Variants in APOBEC3B observed in about 807,000 individuals in gnomAD.
APOBEC3B encodes the protein DNA dC->dU-editing enzyme APOBEC-3B.
Under a neutral mutation model 53.4 loss-of-function variants are expected in APOBEC3B, and 29 were observed. That is an observed-to-expected ratio of 0.54 (90% CI 0.40 to 0.74). APOBEC3B has a LOEUF of 0.74. Ranked by LOEUF, APOBEC3B falls within the 30% of genes least tolerant of loss-of-function variation. The pLI is 0.00. For synonymous variants in APOBEC3B, 132 were observed against 184.8 expected (o/e 0.71, Z 2.32); for missense variants, 347 against 496.2 (o/e 0.70, Z 2.86).
At position 38,992,062 on chromosome 22, in the gene APOBEC3B, G is replaced by A; in HGVS notation, c.1047G>A (p.Val349=). ...DEFEYCWDTF[V]YRQGCPFQPW... Reference sequence around the variant, plus strand: ...TTGAGTACTGCTGGGACACCTTTGTGTACCGCCAGGGATGTCCCTTCCAGC... The same window carrying A: ...TTGAGTACTGCTGGGACACCTTTGTATACCGCCAGGGATGTCCCTTCCAGC... The change falls in exon 7 of 8, where the codon GTG becomes GTA. Residue 349 remains valine, a synonymous_variant. Transcript: ENST00000333467. 1 of 1,589,914 alleles carries A rather than the reference G, an allele frequency of 6.3e-7. No homozygotes were observed. The highest frequency in any genetic ancestry group is 1.8e-5 in the Admixed American group (1 of 55,908).
In APOBEC3B at chr22:38,984,363, G is replaced by C. The variant is rs1017820002; in HGVS notation, c.174+132G>C. The C allele has an allele frequency of 1.4e-5, 17 of 1,190,622 alleles. 1 individual carries two copies. Among genetic ancestry groups the C allele is most frequent in the Non-Finnish European group, 1.7e-5 (15 of 881,604 alleles). 73.8% of individuals were successfully genotyped at this position (1,190,622 alleles called of 1,614,324 possible). A position where few individuals can be genotyped will look rare whatever the true frequency, so the allele number is the denominator to read the frequency against. On this transcript the variant is annotated intron_variant, in intron 2 of 7. Transcript: ENST00000333467. ...GCAGACTCACATCCAAAAAGGCTGA[G>C]CCCTTAACAAAGACAGACTGAGGTA...
At position 38,988,695 on chromosome 22, in the gene APOBEC3B, T is replaced by TC. The variant is rs1569039026; in HGVS notation, c.570-762_570-761insC. On this transcript the variant is annotated intron_variant, in intron 4 of 7. Transcript: ENST00000333467. ...TCTTTCTCTCTTTCTCTTTCTTTCT[T>TC]TCTTTCTTTCTTTCTTTCTTTCTTT... Among the ~76,000 whole-genome samples, 13 of 75,256 alleles carry TC rather than the reference T, an allele frequency of 1.7e-4. 1 individual carries two copies. The East Asian group carries it at 3.3e-3, about 19-fold the overall frequency. 49.4% of individuals were successfully genotyped at this position (75,256 alleles called of 152,430 possible).
intron 1 of APOBEC3B, 66 bp from the exon 2 acceptor site, chr22:38,984,009 G>C: frequency 6.5e-7 from 1 of 1,529,630 alleles, no homozygotes; most frequent in Non-Finnish European, 8.8e-7. Flanking sequence ...GTGTTCAGTG[G>C]ACATGAGCCC....
chr22:38,984,020 C>G (rs1923633449), intron 1 of APOBEC3B, 55 bp from the exon 2 acceptor site: 2 of 1,552,038 alleles, frequency 1.3e-6, no homozygotes, highest in Non-Finnish European at 8.7e-7. Flanking sequence ...ACATGAGCCC[C>G]GAGGACTCCC....
rs754901889 is a variant in APOBEC3B, at chr22:38,985,992, T to A, written c.355T>A (p.Ser119Thr). ...SEHPNVTLTI[S>T]AARLYYYWER... Reference sequence around the variant, plus strand: ...GCACCCCAATGTCACCCTGACCATCTCTGCCGCCCGCCTCTACTACTACTG... The same window carrying A: ...GCACCCCAATGTCACCCTGACCATCACTGCCGCCCGCCTCTACTACTACTG... Residue 119 changes from serine (S) to threonine (T), a missense_variant, in exon 3 of 8, where the codon TCT (serine) becomes ACT (threonine). By Grantham distance (58) the Ser-to-Thr change is moderately conservative. Coordinates refer to ENST00000333467, the MANE Select transcript of APOBEC3B (RefSeq NM_004900.5). The A allele has an allele frequency of 6.3e-7, 1 of 1,592,832 alleles. No individual in the cohort carries two copies. The highest frequency in any genetic ancestry group is 8.5e-7 in the Non-Finnish European group (1 of 1,172,512).
At position 38,986,374 on chromosome 22, in the gene APOBEC3B, T is replaced by C; in HGVS notation, c.531T>C (p.Asn177=). Residue 177 remains asparagine, a synonymous_variant, in exon 4 of 8, where the codon AAT becomes AAC. Coordinates refer to ENST00000333467, the MANE Select transcript of APOBEC3B (RefSeq NM_004900.5). ...TGCCTTGGTACAAATTCGATGAAAA[T>C]TATGCATTCCTGCACCGCACGCTAA... ...QFMPWYKFDE[N]YAFLHRTLKE... is the part of the protein sequence containing the mutation. The C allele has an allele frequency of 6.3e-7, 1 of 1,593,820 alleles. No individual in the cohort carries two copies. The highest frequency in any genetic ancestry group is 8.5e-7 in the Non-Finnish European group (1 of 1,172,644).
chr22:38,989,752 A>G (rs1923917173), intron 5 of APOBEC3B, 142 bp downstream of exon 5: 1 of 910,184 alleles, frequency 1.1e-6, no homozygotes, highest in Non-Finnish European at 1.5e-6. Flanking sequence ...TTGGCCCTGG[A>G]GTTGGGGGGA....
Position 38,991,490 on chromosome 22 carries a change from T to G in APOBEC3B, c.882T>G (p.Arg294=). The part of the protein sequence containing the change: ...CFSWGCAGEV[R]AFLQENTHVR... ...CCTGGGGCTGTGCCGGGGAAGTGCG[T>G]GCGTTCCTTCAGGAGAACACACACG... Residue 294 remains arginine (R), a synonymous_variant, in exon 6 of 8, where the codon CGT becomes CGG. Coordinates refer to ENST00000333467, the MANE Select transcript of APOBEC3B (RefSeq NM_004900.5). 6.3e-7 allele frequency: 1 copy of G among 1,593,728 alleles called. No homozygotes were observed.
At chr22:38,988,719 T>TTCTCTCTATCTCTCTTCCTC (rs1555894393) in intron 4 of APOBEC3B, among the ~76,000 whole-genome samples, 1 of 113,868 alleles carries the variant, frequency 8.8e-6, no homozygotes, top group African/African-American at 3.2e-5. Flanking sequence ...CTTTCTTTCT[T>TTCTCTCTATCTCTCTTCCTC]TCTTTCTTTC....
intron 4 of APOBEC3B, among the ~76,000 whole-genome samples, chr22:38,988,677 CTCTTTCTCTT>C (rs1939896571): frequency 1.5e-4 from 1 of 6,558 alleles, no homozygotes; most frequent in African/African-American, 1.6e-3. Flanking sequence ...CTCTCTTTCT[CTCTTTCTCTT>C]TCTTTCTTTC....
chr22:38,988,839 C>T (rs573315248), intron 4 of APOBEC3B, among the ~76,000 whole-genome samples: 6 of 145,646 alleles, frequency 4.1e-5, no homozygotes, highest in Admixed American at 7.2e-5. Context: ...ACAGAGGGGC[C>T]GGGAGAGGCC....
At position 38,991,481 on chromosome 22, in the gene APOBEC3B, G is replaced by T; in HGVS notation, c.873G>T (p.Gly291=). 1.9e-6 allele frequency: 3 copies of T among 1,593,618 alleles called. 1 individual carries two copies. Among genetic ancestry groups the T allele is most frequent in the Non-Finnish European group, 2.6e-6 (3 of 1,172,590 alleles). Residue 291 remains glycine, a synonymous_variant, in exon 6 of 8, where the codon GGG becomes GGT. Transcript: ENST00000333467. ...CCTGCTTCTCCTGGGGCTGTGCCGG[G>T]GAAGTGCGTGCGTTCCTTCAGGAGA... ...WSPCFSWGCA[G]EVRAFLQENT... is the part of the protein sequence containing the mutation.
chr22:38,986,085 T>C lies in APOBEC3B; in HGVS notation c.448T>C (p.Tyr150His). The stretch of plus-strand genomic sequence containing the variant: ...AGGAGCCCGCGTGACGATCATGGAC[T>C]ATGAAGGTGAGAGGTGGAGGGGTCA... ...QAGARVTIMD[Y>H]EEFAYCWENF... is the part of the protein sequence containing the mutation. Residue 150 changes from tyrosine to histidine, a missense_variant, in exon 3 of 8, where the codon TAT (tyrosine) becomes CAT (histidine). Tyr to His is a moderately conservative substitution (Grantham distance 83). Coordinates refer to ENST00000333467, the MANE Select transcript of APOBEC3B (RefSeq NM_004900.5). The C allele has an allele frequency of 5.7e-6, 9 of 1,591,748 alleles. No individual in the cohort carries two copies. Among genetic ancestry groups the C allele is most frequent in the Non-Finnish European group, 6.8e-6 (8 of 1,172,300 alleles).
intron 2 of APOBEC3B, among the ~76,000 whole-genome samples, chr22:38,985,324 G>A (rs1313106946): frequency 6.7e-6 from 1 of 148,538 alleles, no homozygotes; most frequent in East Asian, 2.2e-4. Context: ...CCAGGTTCAA[G>A]TGATTCTCCT....
In APOBEC3B at chr22:38,988,635, C is replaced by CCTTCCTCCCTT. The variant is rs1569038873; in HGVS notation, c.570-821_570-820insTTCCTCCCTTC. 7.7e-4 allele frequency among the ~76,000 whole-genome samples: 58 copies of CCTTCCTCCCTT among 75,646 alleles called. 5 individuals carry two copies. The highest frequency in any genetic ancestry group is 0.013 in the Middle Eastern group (2 of 160). The allele number at this position is 75,646 out of a possible 152,430, so 49.6% of individuals were successfully genotyped here. ...AACAGAGATTCCTTCCTTCCTTCCT[C>CCTTCCTCCCTT]CCTTCCTTCCTTCCTTCCTTCCTTG... On this transcript the variant is annotated intron_variant, in intron 4 of 7. Coordinates refer to ENST00000333467, the MANE Select transcript of APOBEC3B (RefSeq NM_004900.5).
chr22:38,983,002 C>T lies in APOBEC3B; in HGVS notation c.17+532C>T, dbSNP rs753948248. Reference sequence around the variant, plus strand: ...AGATGTCCCCAGACAGGTTCCACTCCAAGGTCACTCTTCATCTTTTAGAAC... The same window carrying T: ...AGATGTCCCCAGACAGGTTCCACTCTAAGGTCACTCTTCATCTTTTAGAAC... On this transcript the variant is annotated intron_variant, in intron 1 of 7. Transcript: ENST00000333467. Among the ~76,000 whole-genome samples the T allele has an allele frequency of 4.0e-5, 6 of 148,354 alleles. 1 individual carries two copies. Among genetic ancestry groups the T allele is most frequent in the Non-Finnish European group, 8.9e-5 (6 of 67,248 alleles).
In APOBEC3B at chr22:38,992,771, CA is replaced by C. The variant is rs1159659737; in HGVS notation, c.*329del. The stretch of plus-strand genomic sequence containing the variant: ...TAAGAATCTTCCATAATTGTTTCCA[CA>C]AACACTAGCAAATGTGTAGATGTCT... On this transcript the variant is annotated 3_prime_UTR_variant, in exon 8 of 8. Coordinates refer to ENST00000333467, the MANE Select transcript of APOBEC3B (RefSeq NM_004900.5). 1 of 621,948 alleles carries C rather than the reference CA, an allele frequency of 1.6e-6. No individual in the cohort carries two copies. The highest frequency in any genetic ancestry group is 3.2e-5 in the East Asian group (1 of 30,982). 38.5% of individuals were successfully genotyped at this position (621,948 alleles called of 1,614,324 possible). A position where few individuals can be genotyped will look rare whatever the true frequency, so the allele number is the denominator to read the frequency against.
At position 38,986,082 on chromosome 22, in the gene APOBEC3B, G is replaced by T; in HGVS notation, c.445G>T (p.Asp149Tyr). 6.3e-7 allele frequency: 1 copy of T among 1,592,306 alleles called. No homozygotes were observed. The highest frequency in any genetic ancestry group is 8.5e-7 in the Non-Finnish European group (1 of 1,172,422). Residue 149 changes from aspartate to tyrosine, a missense_variant, in exon 3 of 8, where the codon GAC becomes TAC. Transcript: ENST00000333467. Reference sequence around the variant, plus strand: ...GGCAGGAGCCCGCGTGACGATCATGGACTATGAAGGTGAGAGGTGGAGGGG... The same window carrying T: ...GGCAGGAGCCCGCGTGACGATCATGTACTATGAAGGTGAGAGGTGGAGGGG... ...SQAGARVTIMDYEEFAYCWEN... is the reference protein window; with the variant it reads ...SQAGARVTIMYYEEFAYCWEN...
rs966917207 is a variant in APOBEC3B, at chr22:38,990,556, G to T, written c.724-776G>T. ...CCATATTTCTATAAGTCAAAATAAT[G>T]ACAATTATACCATGTCACAGGGACC... On this transcript the variant is annotated intron_variant, in intron 5 of 7. Transcript: ENST00000333467. Among the ~76,000 whole-genome samples the T allele has an allele frequency of 1.4e-4, 20 of 147,824 alleles. 1 individual carries two copies. The highest frequency in any genetic ancestry group is 7.6e-4 in the Admixed American group (11 of 14,394).
Sources: allele counts gnomAD v4.1 joint callset (sites outside exome capture counted in the v4.1 genomes callset), GRCh38; gene constraint gnomAD v4.1.1; transcripts MANE v1.5; gene names NCBI Gene and HGNC (gene_info 2026-07-23, HGNC 2026-07-21).